Variants in UVRAG observed in about 807,000 individuals in gnomAD.
UVRAG encodes the protein UV radiation resistance associated, also known as UV radiation resistance-associated gene protein.
UVRAG carries 19 observed loss-of-function variants against 78.0 expected under a neutral mutation model. The observed-to-expected ratio is 0.24, with a 90% CI of 0.17 to 0.36. The LOEUF (loss-of-function observed/expected upper bound fraction) is 0.36, where lower values mean the gene tolerates loss of function less well. UVRAG is among the 10% of genes least tolerant of loss of function. The pLI, the probability that UVRAG is intolerant of heterozygous loss-of-function variation, is 1.00. For missense variants in UVRAG, 740 were observed against 853.8 expected, an observed-to-expected ratio of 0.87 and a Z score of 1.66; for synonymous variants, 323 against 324.6, an observed-to-expected ratio of 1.00 and a Z score of 0.05.
At chr11:75,940,580 T>C (rs921063519) in intron 6 of UVRAG, among the ~76,000 whole-genome samples, 1 of 152,144 alleles carries the variant, frequency 6.6e-6, no homozygotes, top group Non-Finnish European at 1.5e-5. Flanking sequence ...ACCACAAGTT[T>C]TGTGGAGAAC....
At chr11:75,839,838 T>C (rs112559780) in intron 1 of UVRAG, among the ~76,000 whole-genome samples, 4,980 of 149,720 alleles carry the variant, frequency 0.033, 244 homozygotes, top group African/African-American at 0.11. Context: ...TATATATATA[T>C]ACACACCCCC....
At chr11:75,960,958 T>G (rs1948897876) in intron 6 of UVRAG, among the ~76,000 whole-genome samples, 1 of 152,180 alleles carries the variant, frequency 6.6e-6, no homozygotes. Flanking sequence ...TATCATCTTT[T>G]GGTTTTTTCT....
intron 14 of UVRAG, among the ~76,000 whole-genome samples, chr11:76,124,580 G>T (rs1404772432): frequency 1.3e-5 from 2 of 152,238 alleles, no homozygotes; most frequent in East Asian, 3.8e-4. Context: ...AGTAAGGATA[G>T]AGCACTGAGA....
intron 7 of UVRAG, among the ~76,000 whole-genome samples, chr11:75,981,504 A>C (rs1949392627): frequency 6.6e-6 from 1 of 151,832 alleles, no homozygotes; most frequent in Non-Finnish European, 1.5e-5. Flanking sequence ...AGGCTGAAGT[A>C]CAATGGCATC....
At chr11:76,058,705 G>C (rs570706330) in intron 12 of UVRAG, among the ~76,000 whole-genome samples, 1 of 152,150 alleles carries the variant, frequency 6.6e-6, no homozygotes, top group Admixed American at 6.5e-5. Context: ...ACTACCACCA[G>C]AGCATGAGAT....
Position 76,079,454 on chromosome 11 carries a change from C to T in UVRAG, c.1305+13666C>T, listed in dbSNP as rs146769332. Among the ~76,000 whole-genome samples, 795 of 151,000 alleles carry T rather than the reference C, an allele frequency of 5.3e-3. 4 individuals carry two copies. The highest frequency in any genetic ancestry group is 0.018 in the African/African-American group (757 of 41,038). ...GAGCTATGATTGTGCCACTGCACTC[C>T]AGCCAGGGCGACAGTGAAACCCTGT... On this transcript the variant is annotated intron_variant, in intron 13 of 14. Coordinates refer to ENST00000356136, the MANE Select transcript of UVRAG (RefSeq NM_003369.4).
chr11:75,896,514 A>G (rs1207775900), intron 5 of UVRAG, among the ~76,000 whole-genome samples: 5 of 152,226 alleles, frequency 3.3e-5, no homozygotes, highest in Non-Finnish European at 7.3e-5. Flanking sequence ...AAGTTTAATT[A>G]TAGGCACTCC....
rs574110754 is a variant in UVRAG at position 76,116,817 on chromosome 11, C to T, written c.1397+802C>T. Among the ~76,000 whole-genome samples, 16 of 152,280 alleles carry T rather than the reference C, an allele frequency of 1.1e-4. No homozygotes were observed. In the East Asian group the frequency reaches 2.9e-3, roughly 28 times the overall value. On this transcript the variant is annotated intron_variant, in intron 14 of 14. Coordinates refer to ENST00000356136, the MANE Select transcript of UVRAG (RefSeq NM_003369.4). The stretch of plus-strand genomic sequence containing the variant: ...TCATCTGCTGTGTGGATTTGAAATT[C>T]TACCTCTCTGAAATTTGATTTGCTC...
chr11:76,142,118 T>C lies in UVRAG; in HGVS notation c.*705T>C, dbSNP rs1167441277. On this transcript the variant is annotated 3_prime_UTR_variant, in exon 15 of 15. Transcript: ENST00000356136. ...TTCCCCTCCTCTGCCATACCCTTAA[T>C]GCGGCCCTCAGATTAGATGAAAAAC... The C allele has an allele frequency of 6.6e-6, 1 of 152,262 alleles. No homozygotes were observed. The highest frequency in any genetic ancestry group is 1.5e-5 in the Non-Finnish European group (1 of 68,080). 9.4% of individuals were successfully genotyped at this position (152,262 alleles called of 1,614,324 possible). A position where few individuals can be genotyped will look rare whatever the true frequency, so the allele number is the denominator to read the frequency against.
intron 8 of UVRAG, among the ~76,000 whole-genome samples, chr11:76,000,216 G>A (rs1397171532): frequency 6.6e-6 from 1 of 152,188 alleles, no homozygotes; most frequent in African/African-American, 2.4e-5. Flanking sequence ...GAATATTCTA[G>A]TTACAAAAGG....
At chr11:75,824,888 T>A (rs554106348) in intron 1 of UVRAG, among the ~76,000 whole-genome samples, 1 of 152,170 alleles carries the variant, frequency 6.6e-6, no homozygotes, top group Admixed American at 6.5e-5. Context: ...TTAGCCAGGA[T>A]GGTCTCGATC....
At chr11:75,938,392 A>G (rs537849187) in intron 6 of UVRAG, among the ~76,000 whole-genome samples, 2 of 152,274 alleles carry the variant, frequency 1.3e-5, no homozygotes, top group South Asian at 4.1e-4. Context: ...ACTTCTCTGC[A>G]TATACAGTCA....
chr11:76,129,662 C>T (rs1952477349), intron 14 of UVRAG, among the ~76,000 whole-genome samples: 1 of 152,178 alleles, frequency 6.6e-6, no homozygotes, highest in Admixed American at 6.5e-5. Context: ...CCTTTTCTTC[C>T]TCACCCTTAT....
rs1000027651 is a variant in UVRAG, at chr11:76,142,661, A to G, written c.*1248A>G. The G allele has an allele frequency of 6.6e-6, 1 of 151,662 alleles. No homozygotes were observed. The highest frequency in any genetic ancestry group is 1.9e-4 in the East Asian group (1 of 5,174). The allele number at this position is 151,662 out of a possible 1,614,324, so 9.4% of individuals were successfully genotyped here. A position where few individuals can be genotyped will look rare whatever the true frequency, so the allele number is the denominator to read the frequency against. On this transcript the variant is annotated 3_prime_UTR_variant, in exon 15 of 15. Coordinates refer to ENST00000356136, the MANE Select transcript of UVRAG (RefSeq NM_003369.4). ...AATTGAGTTTACTTCACCCGACCTG[A>G]TTTTTTTTTACCAGCTTGGAAATTC...
At position 76,120,385 on chromosome 11, in the gene UVRAG, A is replaced by G. The variant is rs1952252545; in HGVS notation, c.1397+4370A>G. On this transcript the variant is annotated intron_variant, in intron 14 of 14. Transcript: ENST00000356136. ...TAGACAATTTACTCAAATTATTTAC[A>G]TATAAATGCTTCCTCATTGCAACCT... Among the ~76,000 whole-genome samples, 3 of 151,826 alleles carry G rather than the reference A, an allele frequency of 2.0e-5. No individual in the cohort carries two copies. The South Asian group carries it at 6.3e-4, about 32-fold the overall frequency.
intron 1 of UVRAG, among the ~76,000 whole-genome samples, chr11:75,817,898 GA>G (rs111248538): frequency 0.12 from 12,403 of 103,948 alleles, 1,672 homozygotes; most frequent in African/African-American, 0.35. Flanking sequence ...ACAAAAAAAA[GA>G]AAAAAAAAAA....
rs549778371 is a variant in UVRAG at position 75,818,025 on chromosome 11, A to G, written c.117+2501A>G. On this transcript the variant is annotated intron_variant, in intron 1 of 14. Transcript: ENST00000356136. ...CAGTAAGCCGAGATTGCGCCACTGC[A>G]CTCCAGCCTGGGTGACAGAGTGAGA... 1.0e-3 allele frequency among the ~76,000 whole-genome samples: 152 copies of G among 152,000 alleles called. 1 individual carries two copies. Among genetic ancestry groups the G allele is most frequent in the African/African-American group, 3.5e-3 (144 of 41,422 alleles).
intron 5 of UVRAG, among the ~76,000 whole-genome samples, chr11:75,907,965 G>A (rs928963173): frequency 1.3e-5 from 2 of 152,104 alleles, no homozygotes; most frequent in Non-Finnish European, 2.9e-5. Flanking sequence ...ACAGTTTAGT[G>A]GCATTAGGTA....
chr11:75,934,431 A>G (rs1015701771), intron 6 of UVRAG, among the ~76,000 whole-genome samples: 4 of 152,164 alleles, frequency 2.6e-5, no homozygotes, highest in African/African-American at 9.6e-5. Flanking sequence ...ATAATACCTA[A>G]TACTTGCTAG....
Sources: gnomAD v4.1 joint callset for allele counts (sites outside exome capture counted in the v4.1 genomes callset) on GRCh38, gnomAD v4.1.1 for gene constraint, MANE v1.5 for transcripts, NCBI Gene and HGNC (gene_info 2026-07-23, HGNC 2026-07-21) for gene names.